The following RBMS3 variants were observed in gnomAD, a reference collection of about 807,000 sequenced individuals.
RBMS3 encodes RNA-binding motif, single-stranded-interacting protein 3.
In RBMS3, 27 loss-of-function variants were observed where a neutral mutation model predicts 66.8. That is an observed-to-expected ratio of 0.40 (90% CI 0.30 to 0.56). The LOEUF is 0.56. RBMS3 is among the 20% of genes least tolerant of loss of function. The pLI is 0.40. For missense variants in RBMS3, 513 were observed against 549.5 expected, an observed-to-expected ratio of 0.93 and a Z score of 0.66; for synonymous variants, 188 against 183.0, an observed-to-expected ratio of 1.03 and a Z score of -0.22.
In RBMS3 at chr3:29,363,471, C is replaced by T. The variant is rs73062473; in HGVS notation, c.76-71272C>T. On this transcript the variant is annotated intron_variant, in intron 1 of 14. Coordinates refer to ENST00000383767, the MANE Select transcript of RBMS3 (RefSeq NM_001003793.3). ...AGTAGTGAAAATATTTATACATTACCACAAAGTCAATTGACACTCAAATTA... is the reference window on the plus strand; with the variant it reads ...AGTAGTGAAAATATTTATACATTACTACAAAGTCAATTGACACTCAAATTA... Among the ~76,000 whole-genome samples the T allele has an allele frequency of 5.5e-3, 830 of 152,130 alleles. 7 individuals carry two copies. Among genetic ancestry groups the T allele is most frequent in the Non-Finnish European group, 7.3e-3 (498 of 68,006 alleles).
At chr3:29,573,669 T>C (rs1042540168) in intron 3 of RBMS3, among the ~76,000 whole-genome samples, 1 of 152,120 alleles carries the variant, frequency 6.6e-6, no homozygotes, top group African/African-American at 2.4e-5. Context: ...TTTATTTGAA[T>C]TTTTTCTTAT....
chr3:29,440,106 T>C (rs2041560668), intron 2 of RBMS3, among the ~76,000 whole-genome samples: 1 of 152,218 alleles, frequency 6.6e-6, no homozygotes, highest in Non-Finnish European at 1.5e-5. Flanking sequence ...GTAACTTCTA[T>C]TTTATGATTC....
chr3:29,388,638 G>T (rs1006122762), intron 1 of RBMS3, among the ~76,000 whole-genome samples: 2 of 152,102 alleles, frequency 1.3e-5, no homozygotes, highest in Non-Finnish European at 2.9e-5. Flanking sequence ...GCAGTGGCGC[G>T]ATCTCGGCTC....
chr3:29,930,101 C>CT (rs2061070537), intron 10 of RBMS3, among the ~76,000 whole-genome samples: 1 of 41,118 alleles, frequency 2.4e-5, no homozygotes, highest in Non-Finnish European at 6.1e-5. Flanking sequence ...TGTCACTTTT[C>CT]TTTCTTTCTT....
chr3:29,667,458 A>C (rs1240158348), intron 4 of RBMS3, among the ~76,000 whole-genome samples: 1 of 152,192 alleles, frequency 6.6e-6, no homozygotes, highest in Non-Finnish European at 1.5e-5. Flanking sequence ...AGTGGGGCCC[A>C]GTGATGAGTT....
intron 3 of RBMS3, among the ~76,000 whole-genome samples, chr3:29,497,752 C>T (rs892075306): frequency 1.3e-5 from 2 of 151,896 alleles, no homozygotes; most frequent in Admixed American, 1.3e-4. Flanking sequence ...CCCTGGGACC[C>T]AGGTAGTTAG....
chr3:29,876,421 GTTCAAA>G (rs1235008755), intron 7 of RBMS3, among the ~76,000 whole-genome samples: 2 of 152,084 alleles, frequency 1.3e-5, no homozygotes, highest in African/African-American at 2.4e-5. Flanking sequence ...AAAATTAAAA[GTTCAAA>G]TTCAAACATT....
intron 6 of RBMS3, among the ~76,000 whole-genome samples, chr3:29,813,335 T>C (rs9822362): frequency 0.46 from 69,717 of 151,878 alleles, 16,896 homozygotes; most frequent in African/African-American, 0.57. Flanking sequence ...CTTGGCAAAA[T>C]AGCTCCAAAA....
chr3:29,586,559 G>A (rs2047526761), intron 3 of RBMS3, among the ~76,000 whole-genome samples: 1 of 152,074 alleles, frequency 6.6e-6, no homozygotes, highest in African/African-American at 2.4e-5. Context: ...AAGAGCATGG[G>A]CTTAGTAATC....
chr3:29,811,805 T>C (rs2149459584), intron 6 of RBMS3, among the ~76,000 whole-genome samples: 1 of 152,320 alleles, frequency 6.6e-6, no homozygotes, highest in African/African-American at 2.4e-5. Context: ...GTTCTTTTTT[T>C]CTCACTTCCC....
At chr3:29,655,371 A>G (rs17029821) in intron 4 of RBMS3, among the ~76,000 whole-genome samples, 6,556 of 152,300 alleles carry the variant, frequency 0.043, 400 homozygotes, top group East Asian at 0.31. Context: ...TAAAGTAGCA[A>G]TGAGAATTCT....
intron 1 of RBMS3, among the ~76,000 whole-genome samples, chr3:29,366,917 G>C (rs9855507): frequency 6.6e-6 from 1 of 151,872 alleles, no homozygotes; most frequent in Non-Finnish European, 1.5e-5. Flanking sequence ...AAGCATTTTG[G>C]TCCTTGATCA....
chr3:29,725,442 A>G (rs2053822715), intron 4 of RBMS3, among the ~76,000 whole-genome samples: 1 of 152,148 alleles, frequency 6.6e-6, no homozygotes, highest in African/African-American at 2.4e-5. Context: ...GTTTTTTGAA[A>G]AGATTAACAA....
chr3:29,818,915 T>C (rs1468278039), intron 6 of RBMS3, among the ~76,000 whole-genome samples: 1 of 152,198 alleles, frequency 6.6e-6, no homozygotes, highest in Non-Finnish European at 1.5e-5. Flanking sequence ...TGCTAAGTTT[T>C]ACTATGAAAA....
chr3:29,800,897 GA>G (rs1399261265), intron 6 of RBMS3, among the ~76,000 whole-genome samples: 5 of 151,840 alleles, frequency 3.3e-5, no homozygotes, highest in African/African-American at 1.2e-4. Flanking sequence ...TTTGTCAGGA[GA>G]AAAATTACCT....
chr3:29,652,574 T>G (rs2050184387), intron 4 of RBMS3, among the ~76,000 whole-genome samples: 1 of 152,214 alleles, frequency 6.6e-6, no homozygotes, highest in South Asian at 2.1e-4. Flanking sequence ...CTCACATGCA[T>G]AGAATCAGAG....
At chr3:29,499,739 A>G (rs1271960156) in intron 3 of RBMS3, among the ~76,000 whole-genome samples, 3 of 152,190 alleles carry the variant, frequency 2.0e-5, no homozygotes, top group Non-Finnish European at 2.9e-5. Context: ...CACTTTTTCT[A>G]TGCCACTTTT....
chr3:29,966,650 G>T (rs1008671690), intron 12 of RBMS3, among the ~76,000 whole-genome samples: 1 of 152,120 alleles, frequency 6.6e-6, no homozygotes, highest in African/African-American at 2.4e-5. Context: ...CGGACAGTTT[G>T]ACTTCTTCTT....
intron 14 of RBMS3, among the ~76,000 whole-genome samples, chr3:29,997,960 G>C (rs973466226): frequency 6.6e-6 from 1 of 152,168 alleles, no homozygotes; most frequent in Non-Finnish European, 1.5e-5. Flanking sequence ...ATTCAATTAG[G>C]AAAAGAGGAA....
Sources: gnomAD v4.1 joint callset for allele counts (sites outside exome capture counted in the v4.1 genomes callset) on GRCh38, gnomAD v4.1.1 for gene constraint, MANE v1.5 for transcripts, NCBI Gene and HGNC (gene_info 2026-07-23, HGNC 2026-07-21) for gene names.